TRIO: variants seen among roughly 807,000 people sequenced by gnomAD.
TRIO encodes trio Rho guanine nucleotide exchange factor.
A neutral mutation model predicts 351.9 loss-of-function variants in TRIO; 58 were observed. The ratio of observed to expected loss-of-function variants is 0.16; its 90% confidence interval spans 0.13 to 0.21. The LOEUF (loss-of-function observed/expected upper bound fraction) is 0.21. Among genes scored for constraint, TRIO ranks in the 10% least tolerant of loss-of-function variants. The probability of loss-of-function intolerance (pLI) is 1.00; values close to 1 mark genes in which losing one functional copy is unlikely to be tolerated. For synonymous variants in TRIO, 1,758 were observed against 1,595.7 expected, an observed-to-expected ratio of 1.10 and a Z score of -2.42; for missense variants, 3,201 against 4,027.8, an observed-to-expected ratio of 0.79 and a Z score of 5.56.
At position 14,315,251 on chromosome 5, in the gene TRIO, C is replaced by CTT. The variant is rs761690853; in HGVS notation, c.1501-1246_1501-1245dup. Among the ~76,000 whole-genome samples the CTT allele has an allele frequency of 5.1e-3, 696 of 137,582 alleles. 9 individuals are homozygous for CTT. Among genetic ancestry groups the CTT allele is most frequent in the African/African-American group, 0.017 (644 of 37,042 alleles). The allele number at this position is 137,582 out of a possible 152,430, so 90.3% of individuals were successfully genotyped here. A position where few individuals can be genotyped will look rare whatever the true frequency, so the allele number is the denominator to read the frequency against. On this transcript the variant is annotated intron_variant, in intron 8 of 56. Transcript: ENST00000344204. ...TAAAAGTGCCCCTGAACTTGCTCCT[C>CTT]TTTTTTTTTTTTTTTTTGAGATGGA...
chr5:14,162,431 A>C (rs1788523099), intron 1 of TRIO, among the ~76,000 whole-genome samples: 1 of 152,246 alleles, frequency 6.6e-6, no homozygotes, highest in Non-Finnish European at 1.5e-5. Context: ...GACCTTGAGA[A>C]CATTGAAGGT....
intron 1 of TRIO, among the ~76,000 whole-genome samples, chr5:14,148,753 G>A (rs923144454): frequency 2.6e-5 from 4 of 152,212 alleles, no homozygotes; most frequent in African/African-American, 9.6e-5. Flanking sequence ...TTTCTTCCAA[G>A]TACTCAGCTG....
At chr5:14,428,851 G>A (rs1035014290) in intron 34 of TRIO, among the ~76,000 whole-genome samples, 7 of 152,196 alleles carry the variant, frequency 4.6e-5, no homozygotes, top group East Asian at 1.9e-4. Flanking sequence ...CGAGGAGCTC[G>A]TGGGAAAAAT....
At chr5:14,328,200 C>A (rs966099093) in intron 9 of TRIO, among the ~76,000 whole-genome samples, 4 of 152,092 alleles carry the variant, frequency 2.6e-5, no homozygotes, top group Non-Finnish European at 5.9e-5. Context: ...TAAAACAACG[C>A]GCTCAATACA....
chr5:14,442,260 G>A (rs572032877), intron 34 of TRIO, among the ~76,000 whole-genome samples: 4 of 152,268 alleles, frequency 2.6e-5, no homozygotes, highest in African/African-American at 9.6e-5. Flanking sequence ...TATATGCTTC[G>A]GAAGTGGGCG....
In TRIO at chr5:14,384,661, TG is replaced by T. The variant is rs565994932; in HGVS notation, c.3571-2775del. On this transcript the variant is annotated intron_variant, in intron 21 of 56. Coordinates refer to ENST00000344204, the MANE Select transcript of TRIO (RefSeq NM_007118.4). ...CAGAAGAAGATTTAAATATCAGCAG[TG>T]GTACCTAATAGTACCAGAAGAAATA... Among the ~76,000 whole-genome samples, 606 of 152,164 alleles carry T rather than the reference TG, an allele frequency of 4.0e-3. 6 individuals are homozygous for T. Among genetic ancestry groups the T allele is most frequent in the Non-Finnish European group, 4.4e-3 (298 of 67,992 alleles).
intron 25 of TRIO, 142 bp downstream of exon 25, chr5:14,389,540 C>T: frequency 1.7e-6 from 1 of 573,464 alleles, no homozygotes; most frequent in Non-Finnish European, 3.0e-6. Flanking sequence ...AGTCTTTCTC[C>T]AAAAAGACTG....
At chr5:14,385,138 G>A (rs1235743981) in intron 21 of TRIO, among the ~76,000 whole-genome samples, 1 of 152,218 alleles carries the variant, frequency 6.6e-6, no homozygotes, top group Middle Eastern at 3.2e-3. Flanking sequence ...GTGGAGCAGG[G>A]CAGCCCCTCA....
intron 16 of TRIO, among the ~76,000 whole-genome samples, chr5:14,367,230 G>A (rs367848532): frequency 1.3e-5 from 2 of 152,156 alleles, no homozygotes; most frequent in Non-Finnish European, 2.9e-5. Flanking sequence ...CAAAGGTCTC[G>A]GAGGCCAGGG....
intron 1 of TRIO, among the ~76,000 whole-genome samples, chr5:14,151,775 T>C (rs964977422): frequency 1.3e-5 from 2 of 152,232 alleles, no homozygotes; most frequent in African/African-American, 2.4e-5. Context: ...CTGCTGCCAT[T>C]GAAGGATGCC....
At chr5:14,144,285 C>T (rs988843817) in intron 1 of TRIO, among the ~76,000 whole-genome samples, 1 of 152,136 alleles carries the variant, frequency 6.6e-6, no homozygotes, top group Non-Finnish European at 1.5e-5. Flanking sequence ...ACCCCGGAGG[C>T]CGAGCGGACT....
At chr5:14,277,767 T>C (rs1463213485) in intron 2 of TRIO, among the ~76,000 whole-genome samples, 1 of 152,210 alleles carries the variant, frequency 6.6e-6, no homozygotes, top group Non-Finnish European at 1.5e-5. Flanking sequence ...CAGACACCTG[T>C]GTAGTTGATT....
At chr5:14,291,767 C>T (rs75904725) in intron 5 of TRIO, among the ~76,000 whole-genome samples, 7 of 119,072 alleles carry the variant, frequency 5.9e-5, no homozygotes, top group Non-Finnish European at 9.6e-5. Context: ...TCGGCCTGGG[C>T]GACAGAGTGA....
chr5:14,453,101 G>A (rs1042677385), intron 34 of TRIO, among the ~76,000 whole-genome samples: 2 of 151,722 alleles, frequency 1.3e-5, no homozygotes, highest in Non-Finnish European at 2.9e-5. Context: ...AAGAAATCTA[G>A]CATGGACTTT....
intron 40 of TRIO, among the ~76,000 whole-genome samples, chr5:14,476,599 C>T (rs1755092507): frequency 6.6e-6 from 1 of 151,952 alleles, no homozygotes; most frequent in African/African-American, 2.4e-5. Context: ...TGAGACCAGC[C>T]TGGCCAACAT....
intron 1 of TRIO, among the ~76,000 whole-genome samples, chr5:14,158,872 G>A (rs1273634972): frequency 6.6e-6 from 1 of 152,152 alleles, no homozygotes; most frequent in Non-Finnish European, 1.5e-5. Context: ...AAAAGTCATG[G>A]CTAAATGTGT....
chr5:14,151,388 G>T (rs202101576), intron 1 of TRIO, among the ~76,000 whole-genome samples: 1,003 of 21,654 alleles, frequency 0.046, 3 homozygotes, highest in African/African-American at 0.17. Context: ...GTGTGTGTTT[G>T]TGTGTGTGTG....
At chr5:14,288,501 T>A (rs183831331) in intron 4 of TRIO, among the ~76,000 whole-genome samples, 12 of 152,176 alleles carry the variant, frequency 7.9e-5, no homozygotes, top group Admixed American at 2.0e-4. Flanking sequence ...ACCCCATCTC[T>A]ACTAAAATAC....
At chr5:14,282,733 G>T (rs529739107) in intron 3 of TRIO, among the ~76,000 whole-genome samples, 8 of 152,276 alleles carry the variant, frequency 5.3e-5, no homozygotes, top group African/African-American at 1.9e-4. Context: ...AAATCCCAAA[G>T]ATCACATCAT....
Sources: allele counts gnomAD v4.1 joint callset (sites outside exome capture counted in the v4.1 genomes callset), GRCh38; gene constraint gnomAD v4.1.1; transcripts MANE v1.5; gene names NCBI Gene and HGNC (gene_info 2026-07-23, HGNC 2026-07-21).